The following ADGRE5 variants were observed in gnomAD, a reference collection of about 807,000 sequenced individuals.
ADGRE5 encodes the protein CD97 molecule.
In ADGRE5, 72 loss-of-function variants were observed where a neutral mutation model predicts 100.3. That is an observed-to-expected ratio of 0.72 (90% CI 0.59 to 0.87). ADGRE5 has a LOEUF of 0.87. Among genes scored for constraint, ADGRE5 ranks in the 40% least tolerant of loss-of-function variants. The pLI, the probability that ADGRE5 is intolerant of heterozygous loss-of-function variation, is 0.00. For missense variants in ADGRE5, 959 were observed against 1,094.7 expected (o/e 0.88, Z 1.75); for synonymous variants, 439 against 447.8 (o/e 0.98, Z 0.25).
At position 14,407,910 on chromosome 19, in the gene ADGRE5, T is replaced by G; in HGVS notation, c.2379T>G (p.Val793=). 1.2e-6 allele frequency: 2 copies of G among 1,613,912 alleles called. No individual in the cohort carries two copies. The highest frequency in any genetic ancestry group is 1.7e-6 in the Non-Finnish European group (2 of 1,179,926). ...TGACTTGGTGTCTGGGCCGGCAGGTTCGGGAAGAATACCGGAAGTGGGCCT... is the reference window on the plus strand; with the variant it reads ...TGACTTGGTGTCTGGGCCGGCAGGTGCGGGAAGAATACCGGAAGTGGGCCT... ...YLLHCLLNKK[V]REEYRKWACL... is the part of the protein sequence containing the mutation. Residue 793 remains valine (V), a splice_region_variant and synonymous_variant, in exon 19 of 20, where the codon GTT becomes GTG. Transcript: ENST00000242786.
At chr19:14,385,323 G>C (rs943644763) in intron 1 of ADGRE5, among the ~76,000 whole-genome samples, 1 of 151,202 alleles carries the variant, frequency 6.6e-6, no homozygotes, top group African/African-American at 2.4e-5. Context: ...CCCACCTTCT[G>C]TCTCTCTGTC....
chr19:14,399,722 A>C (rs1975936574), intron 9 of ADGRE5, among the ~76,000 whole-genome samples: 1 of 151,312 alleles, frequency 6.6e-6, no homozygotes, highest in Admixed American at 6.6e-5. Context: ...AGCCAGGGCA[A>C]CAAGAGTAAG....
chr19:14,387,517 A>G (rs979109826), intron 1 of ADGRE5, among the ~76,000 whole-genome samples: 2 of 151,180 alleles, frequency 1.3e-5, no homozygotes, highest in Middle Eastern at 3.5e-3. Context: ...TCACGAGGTC[A>G]GGAGATCGAG....
chr19:14,396,555 G>A, intron 5 of ADGRE5, 82 bp downstream of exon 5: 1 of 1,581,074 alleles, frequency 6.3e-7, no homozygotes, highest in Non-Finnish European at 8.6e-7. Flanking sequence ...CAGCCGAGGA[G>A]GAGGGGGAAG....
rs1339367722 is a variant in ADGRE5, at chr19:14,404,554, G to A, written c.1621G>A (p.Asp541Asn). ...CTTTGCGATCCTTATGGCTCATTAT[G>A]ACGTGGAGGTAAGTAGCTGGAGGCA... is the stretch of plus-strand genomic sequence containing the variant. ...SSFAILMAHYDVEDWKLTLIT... is the reference protein window; with the variant it reads ...SSFAILMAHYNVEDWKLTLIT... Residue 541 changes from aspartate to asparagine, a missense_variant, in exon 13 of 20, where the codon GAC (aspartate) becomes AAC (asparagine). By Grantham distance (23) the Asp-to-Asn change is conservative (BLOSUM62 1). Coordinates refer to ENST00000242786, the MANE Select transcript of ADGRE5 (RefSeq NM_078481.4). The A allele has an allele frequency of 6.2e-7, 1 of 1,612,600 alleles. No homozygotes were observed. The highest frequency in any genetic ancestry group is 8.5e-7 in the Non-Finnish European group (1 of 1,179,510).
In ADGRE5 at chr19:14,406,875, G is replaced by A; in HGVS notation, c.2122G>A (p.Ala708Thr). ...GPVTFIILCNAVIFVTTVWKL... is the reference protein window; with the variant it reads ...GPVTFIILCNTVIFVTTVWKL... ...CAATCTGCTCCCTGCCCAGTGCAAT[G>A]CTGTCATTTTCGTGACTACCGTCTG... Residue 708 changes from alanine (A) to threonine (T), a missense_variant, in exon 17 of 20, where the codon GCT becomes ACT. Transcript: ENST00000242786. The surrounding 1 kb of genome is among the most constrained non-coding windows in gnomAD (Gnocchi z 6.0). The A allele has an allele frequency of 6.2e-7, 1 of 1,614,058 alleles. No homozygotes were observed. The highest frequency in any genetic ancestry group is 2.2e-5 in the East Asian group (1 of 44,880).
Position 14,406,357 on chromosome 19 carries a change from CG to C in ADGRE5, c.1851del (p.Leu618CysfsTer13). On this transcript the variant is annotated frameshift_variant, in exon 15 of 20. Transcript: ENST00000242786. LOFTEE classifies it high-confidence loss of function. The surrounding 1 kb of genome is among the most constrained non-coding windows in gnomAD (Gnocchi z 6.0). ...QVGLRCRLVA[G>X]LLHYCFLAAF... ...TGGGGCTGCGCTGCCGCCTGGTGGC[CG>C]GGCTGCTGCACTACTGTTTCCTGGC... 1 of 1,577,994 alleles carries C rather than the reference CG, an allele frequency of 6.3e-7. No individual in the cohort carries two copies. The highest frequency in any genetic ancestry group is 1.8e-5 in the Admixed American group (1 of 54,858).
chr19:14,406,282 G>GC lies in ADGRE5; in HGVS notation c.1822-45dup, dbSNP rs1288560709. 2.1e-6 allele frequency: 3 copies of GC among 1,403,240 alleles called. No homozygotes were observed. Among genetic ancestry groups the GC allele is most frequent in the Non-Finnish European group, 2.9e-6 (3 of 1,035,726 alleles). 86.9% of individuals were successfully genotyped at this position (1,403,240 alleles called of 1,614,324 possible). A position where few individuals can be genotyped will look rare whatever the true frequency, so the allele number is the denominator to read the frequency against. On this transcript the variant is annotated intron_variant, in intron 14 of 19. Coordinates refer to ENST00000242786, the MANE Select transcript of ADGRE5 (RefSeq NM_078481.4). This position sits in a 1 kb window ranked among gnomAD's most constrained non-coding sequence, Gnocchi z 6.0. Reference sequence around the variant, plus strand: ...CAGGCGACTGGCTCTGGCGCCGCATGCCCCTCCCCGCGCTGACGTCGCTCC... The same window carrying GC: ...CAGGCGACTGGCTCTGGCGCCGCATGCCCCCTCCCCGCGCTGACGTCGCTCC...
chr19:14,402,913 C>G, intron 12 of ADGRE5, 51 bp downstream of exon 12: 1 of 1,575,586 alleles, frequency 6.3e-7, no homozygotes, highest in Non-Finnish European at 8.7e-7. Flanking sequence ...GGCCTTCGCA[C>G]ATGCTGGGCC....
intron 1 of ADGRE5, among the ~76,000 whole-genome samples, chr19:14,383,739 G>A (rs1205720214): frequency 6.6e-6 from 1 of 151,304 alleles, no homozygotes; most frequent in East Asian, 1.9e-4. Context: ...CTTCTGTTTG[G>A]GCAACTTCCA....
At chr19:14,391,650 T>C (rs1975605237) in intron 4 of ADGRE5, among the ~76,000 whole-genome samples, 1 of 151,778 alleles carries the variant, frequency 6.6e-6, no homozygotes, top group African/African-American at 2.4e-5. Context: ...GGTGGGATGA[T>C]TGCTTCAGGC....
chr19:14,404,264 C>G, intron 12 of ADGRE5, 119 bp from the exon 13 acceptor site: 1 of 872,500 alleles, frequency 1.1e-6, no homozygotes, highest in Non-Finnish European at 1.8e-6. Context: ...CTGTTACATT[C>G]AGTAGGCGCT....
chr19:14,389,898 A>T (rs188166969), intron 3 of ADGRE5, among the ~76,000 whole-genome samples: 1 of 151,694 alleles, frequency 6.6e-6, no homozygotes, highest in East Asian at 1.9e-4. Flanking sequence ...GAGAAACCTC[A>T]TCTCTACTAA....
chr19:14,406,088 G>C lies in ADGRE5; in HGVS notation c.1821+149G>C. The C allele has an allele frequency of 1.3e-6, 1 of 759,412 alleles. No homozygotes were observed. Among genetic ancestry groups the C allele is most frequent in the Non-Finnish European group, 2.1e-6 (1 of 482,722 alleles). The allele number at this position is 759,412 out of a possible 1,614,324, so 47.0% of individuals were successfully genotyped here. On this transcript the variant is annotated intron_variant, in intron 14 of 19. Transcript: ENST00000242786. This position sits in a 1 kb window ranked among gnomAD's most constrained non-coding sequence, Gnocchi z 6.0. ...TCCGGGATCTGGCCCCGCCCACCGG[G>C]GGGTCGGGTTGTCTCTTTAAAGGGC...
chr19:14,401,472 C>A lies in ADGRE5; in HGVS notation c.984C>A (p.Thr328=). 6.2e-7 allele frequency: 1 copy of A among 1,614,164 alleles called. No individual in the cohort carries two copies. The highest frequency in any genetic ancestry group is 1.1e-5 in the South Asian group (1 of 91,084). ...CACCTGTCCGGCACCTCATAGCCAC[C>A]CAGCTGCTCTCAAACCTTGAAGATA... ...LAPPVRHLIA[T]QLLSNLEDIM... The change falls in exon 10 of 20, where the codon ACC becomes ACA. Residue 328 remains threonine, a synonymous_variant. Transcript: ENST00000242786. The surrounding 1 kb of genome is among the most constrained non-coding windows in gnomAD (Gnocchi z 4.1).
chr19:14,407,466 A>G (rs574867749), intron 18 of ADGRE5, among the ~76,000 whole-genome samples: 2 of 152,236 alleles, frequency 1.3e-5, no homozygotes, highest in African/African-American at 4.8e-5. Context: ...CCTGGCCAAC[A>G]TGGTGAAACC....
chr19:14,383,226 C>T (rs536091093), intron 1 of ADGRE5, among the ~76,000 whole-genome samples: 36 of 145,990 alleles, frequency 2.5e-4, no homozygotes, highest in Middle Eastern at 4.2e-3. Flanking sequence ...ATAATAAGGC[C>T]GGGTGCAGTG....
chr19:14,396,181 T>TGAG, intron 4 of ADGRE5, 161 bp from the exon 5 acceptor site: 1 of 1,350,830 alleles, frequency 7.4e-7, no homozygotes, highest in Non-Finnish European at 1.0e-6. Flanking sequence ...ACAGAAGGAC[T>TGAG]GAGCCACCAC....
chr19:14,384,343 C>G (rs1216739725), intron 1 of ADGRE5, among the ~76,000 whole-genome samples: 1 of 152,164 alleles, frequency 6.6e-6, no homozygotes, highest in Admixed American at 6.6e-5. Flanking sequence ...ACCCCAAACA[C>G]CCGCCCTCTG....
Sources: allele counts gnomAD v4.1 joint callset (sites outside exome capture counted in the v4.1 genomes callset), GRCh38; gene constraint gnomAD v4.1.1; non-coding constraint Gnocchi (gnomAD v3.1); transcripts MANE v1.5; gene names NCBI Gene and HGNC (gene_info 2026-07-23, HGNC 2026-07-21).